ZDHHC15: variants seen among roughly 807,000 people sequenced by gnomAD.
ZDHHC15 encodes zDHHC palmitoyltransferase 15.
Under a neutral mutation model 31.7 loss-of-function variants are expected in ZDHHC15, and 19 were observed. That is an observed-to-expected ratio of 0.60 (90% confidence interval 0.42 to 0.88). The LOEUF (loss-of-function observed/expected upper bound fraction) is 0.88, where lower values mean the gene tolerates loss of function less well. Among genes scored for constraint, ZDHHC15 ranks in the 40% least tolerant of loss-of-function variants. The pLI is 0.00. For missense variants in ZDHHC15, 209 were observed against 251.2 expected (o/e 0.83, Z 1.14); for synonymous variants, 103 against 90.0 (o/e 1.14, Z -0.82).
At chrX:75,436,482 T>C (rs982186499) in intron 4 of ZDHHC15, among the ~76,000 whole-genome samples, 4 of 111,994 alleles carry the variant, frequency 3.6e-5, no homozygotes, top group African/African-American at 1.3e-4. Flanking sequence ...TGCTATGAAC[T>C]TTCCTCTTAG....
At chrX:75,395,706 G>A (rs2083292723) in intron 10 of ZDHHC15, among the ~76,000 whole-genome samples, 1 of 111,358 alleles carries the variant, frequency 9.0e-6, no homozygotes, top group Admixed American at 9.5e-5. Flanking sequence ...AAATTTATAT[G>A]GAACCACAAA....
chrX:75,392,934 G>GT (rs1202186988), intron 10 of ZDHHC15, among the ~76,000 whole-genome samples: 3,893 of 102,023 alleles, frequency 0.038, 77 homozygotes, highest in African/African-American at 0.07. Flanking sequence ...GCAGGTCATG[G>GT]TTTTTTTTTT....
intron 3 of ZDHHC15, among the ~76,000 whole-genome samples, chrX:75,454,512 G>A (rs989854774): frequency 6.3e-5 from 7 of 111,764 alleles, no homozygotes; most frequent in Non-Finnish European, 1.1e-4. Flanking sequence ...TTGCCACACT[G>A]TCTTCCACAA....
intron 10 of ZDHHC15, among the ~76,000 whole-genome samples, chrX:75,401,899 C>G (rs1280663020): frequency 8.9e-6 from 1 of 111,932 alleles, no homozygotes; most frequent in Non-Finnish European, 1.9e-5. Flanking sequence ...TCTGAGAGAC[C>G]TTTACAGAAG....
intron 3 of ZDHHC15, among the ~76,000 whole-genome samples, chrX:75,476,407 A>AT (rs765418160): frequency 7.2e-5 from 8 of 110,541 alleles, no homozygotes; most frequent in African/African-American, 2.3e-4. Context: ...GTCTATTCAG[A>AT]TTTTTTATTT....
At chrX:75,446,828 CACTTATG>C (rs1246069481) in intron 4 of ZDHHC15, among the ~76,000 whole-genome samples, 1 of 111,524 alleles carries the variant, frequency 9.0e-6, no homozygotes, top group African/African-American at 3.3e-5. Context: ...GAGGGTTCTA[CACTTATG>C]ACTTAACCAT....
rs199542638 is a variant in ZDHHC15 at position 75,429,984 on chromosome X, C to T, written c.450-4G>A. 6.3e-5 allele frequency: 76 copies of T among 1,205,074 alleles called. No individual in the cohort carries two copies. The highest frequency in any genetic ancestry group is 1.5e-4 in the East Asian group (5 of 33,534). On this transcript the variant is annotated splice_region_variant and splice_polypyrimidine_tract_variant and intron_variant, in intron 5 of 11. Coordinates refer to ENST00000373367, the MANE Select transcript of ZDHHC15 (RefSeq NM_144969.3). ...ATGATCCATTTTTAACACACACCTA[C>T]GAAGGGGACAAAATACAGTGTGATA...
At chrX:75,493,371 C>G (rs901121364) in intron 2 of ZDHHC15, among the ~76,000 whole-genome samples, 1 of 111,667 alleles carries the variant, frequency 9.0e-6, no homozygotes, top group African/African-American at 3.3e-5. Flanking sequence ...GGAGCTGGTA[C>G]ATTCCTTCTG....
In ZDHHC15 at chrX:75,522,794, A is replaced by G. The variant is rs1405470452; in HGVS notation, c.136+95T>C. The G allele has an allele frequency of 2.7e-6, 3 of 1,091,940 alleles. No individual in the cohort carries two copies. In the East Asian group the frequency reaches 9.3e-5, roughly 34 times the overall value. 90.0% of individuals were successfully genotyped at this position (1,091,940 alleles called of 1,213,427 possible). ...GGAGAGAAAGGAAAACCGCAGAGAGAAGGCTTGAGAACACAAGGGACACCA... is the reference window on the plus strand; with the variant it reads ...GGAGAGAAAGGAAAACCGCAGAGAGGAGGCTTGAGAACACAAGGGACACCA... On this transcript the variant is annotated intron_variant, in intron 1 of 11. Transcript: ENST00000373367.
intron 2 of ZDHHC15, 114 bp downstream of exon 2, chrX:75,505,707 T>TC (rs1445856559): frequency 5.7e-6 from 5 of 874,568 alleles, no homozygotes; most frequent in Non-Finnish European, 8.1e-6. Context: ...AACTTTCTCC[T>TC]CACCCAAGTT....
At chrX:75,467,918 T>A (rs1237532911) in intron 3 of ZDHHC15, among the ~76,000 whole-genome samples, 4 of 111,787 alleles carry the variant, frequency 3.6e-5, no homozygotes, top group African/African-American at 3.3e-5. Context: ...TTTCTCTCTA[T>A]CCCCAGAGCC....
chrX:75,426,004 G>C (rs2083710315), intron 7 of ZDHHC15, among the ~76,000 whole-genome samples: 1 of 111,450 alleles, frequency 9.0e-6, no homozygotes, highest in African/African-American at 3.3e-5. Context: ...CCAGCAAAGA[G>C]CTACCTCAAG....
At chrX:75,480,889 T>C (rs914296537) in intron 2 of ZDHHC15, among the ~76,000 whole-genome samples, 1 of 111,677 alleles carries the variant, frequency 9.0e-6, no homozygotes, top group Admixed American at 9.6e-5. Context: ...AAGCATGTCT[T>C]TTTGTAGATA....
At chrX:75,486,395 A>T (rs1274544393) in intron 2 of ZDHHC15, among the ~76,000 whole-genome samples, 1 of 112,503 alleles carries the variant, frequency 8.9e-6, no homozygotes, top group Non-Finnish European at 1.9e-5. Context: ...ACAGAATGAA[A>T]AAAGCTTCTA....
At chrX:75,470,342 TG>T (rs760132371) in intron 3 of ZDHHC15, among the ~76,000 whole-genome samples, 3 of 111,602 alleles carry the variant, frequency 2.7e-5, no homozygotes, top group Non-Finnish European at 3.8e-5. Context: ...AGCTTGCAGA[TG>T]GTCTATTGTG....
chrX:75,421,321 C>T (rs1176416017), intron 9 of ZDHHC15, among the ~76,000 whole-genome samples: 1 of 80,951 alleles, frequency 1.2e-5, no homozygotes, highest in African/African-American at 4.9e-5. Flanking sequence ...AAGCACTTTC[C>T]CTTTTTGTGA....
At chrX:75,491,662 C>T (rs755168140) in intron 2 of ZDHHC15, among the ~76,000 whole-genome samples, 83 of 110,872 alleles carry the variant, frequency 7.5e-4, no homozygotes, top group African/African-American at 2.7e-3. Context: ...AAAGAATTTT[C>T]AACCCAGAAT....
intron 11 of ZDHHC15, among the ~76,000 whole-genome samples, chrX:75,374,658 AGTGTGTGTGT>A (rs760934695): frequency 1.1e-4 from 11 of 100,023 alleles, no homozygotes; most frequent in Non-Finnish European, 2.0e-4. Flanking sequence ...AGTAAATTTT[AGTGTGTGTGT>A]GTGTGTGTGT....
intron 2 of ZDHHC15, among the ~76,000 whole-genome samples, chrX:75,491,274 C>A (rs1301154148): frequency 1.7e-4 from 19 of 110,303 alleles, no homozygotes; most frequent in Non-Finnish European, 3.6e-4. Context: ...GGCACATATA[C>A]ACCATGGAAT....
Sources: allele counts gnomAD v4.1 joint callset (sites outside exome capture counted in the v4.1 genomes callset), GRCh38; gene constraint gnomAD v4.1.1; transcripts MANE v1.5; gene names NCBI Gene and HGNC (gene_info 2026-07-23, HGNC 2026-07-21).